HHAT: variants seen among roughly 807,000 people sequenced by gnomAD.
HHAT encodes the protein hedgehog acyltransferase.
In HHAT, 47 loss-of-function variants were observed where a neutral mutation model predicts 70.8. The ratio of observed to expected loss-of-function variants is 0.66; its 90% confidence interval spans 0.53 to 0.85. The LOEUF is 0.85. Ranked by LOEUF, HHAT falls within the 40% of genes least tolerant of loss-of-function variation. The probability of loss-of-function intolerance (pLI) is 0.00; values close to 1 mark genes in which losing one functional copy is unlikely to be tolerated. For synonymous variants in HHAT, 228 were observed against 247.6 expected, an observed-to-expected ratio of 0.92 and a Z score of 0.74; for missense variants, 609 against 604.8, an observed-to-expected ratio of 1.01 and a Z score of -0.07.
At chr1:210,495,571 CCTT>C (rs1377858828) in intron 8 of HHAT, among the ~76,000 whole-genome samples, 1 of 152,166 alleles carries the variant, frequency 6.6e-6, no homozygotes, top group Admixed American at 6.5e-5. Context: ...TGTCCTCCCT[CCTT>C]CTCCCTCTTT....
At position 210,380,464 on chromosome 1, in the gene HHAT, C is replaced by G. The variant is rs565607647; in HGVS notation, c.160-7004C>G. On this transcript the variant is annotated intron_variant, in intron 3 of 11. Transcript: ENST00000261458. ...CTGAAGCAGGAGAATCACTTGAACT[C>G]AGGAGGCGGAGGTTGCAGTGAGCCG... 2.3e-3 allele frequency among the ~76,000 whole-genome samples: 357 copies of G among 152,228 alleles called. 3 individuals are homozygous for G. Among genetic ancestry groups the G allele is most frequent in the Non-Finnish European group, 3.6e-3 (244 of 68,022 alleles).
At chr1:210,374,086 T>C (rs933125346) in intron 3 of HHAT, 7 of 152,318 alleles carry the variant, frequency 4.6e-5, no homozygotes, top group South Asian at 2.1e-4. Flanking sequence ...ACAGTGACAA[T>C]GAATCACTTA....
chr1:210,623,460 G>T, intron 10 of HHAT, 66 bp from the exon 11 acceptor site: 1 of 1,585,216 alleles, frequency 6.3e-7, no homozygotes, highest in East Asian at 2.2e-5. Flanking sequence ...GAGAAAGCTG[G>T]ATGGTATCTT....
intron 11 of HHAT, among the ~76,000 whole-genome samples, chr1:210,669,504 G>A (rs1679651214): frequency 6.6e-6 from 1 of 152,060 alleles, no homozygotes; most frequent in Non-Finnish European, 1.5e-5. Context: ...TGAATCTATT[G>A]TGCCATACAT....
intron 7 of HHAT, among the ~76,000 whole-genome samples, chr1:210,458,903 A>T (rs891315898): frequency 6.6e-6 from 1 of 152,184 alleles, no homozygotes; most frequent in Non-Finnish European, 1.5e-5. Flanking sequence ...GTAGGTATGT[A>T]TGTCAATCTG....
intron 1 of HHAT, among the ~76,000 whole-genome samples, chr1:210,332,628 C>G (rs2085093988): frequency 1.3e-5 from 2 of 152,184 alleles, no homozygotes; most frequent in Non-Finnish European, 2.9e-5. Flanking sequence ...TGCTTCTGTT[C>G]TTTGTGCTTA....
At chr1:210,412,130 T>G (rs1390436672) in intron 6 of HHAT, among the ~76,000 whole-genome samples, 1 of 152,082 alleles carries the variant, frequency 6.6e-6, no homozygotes, top group Non-Finnish European at 1.5e-5. Flanking sequence ...AGGGTGCTAT[T>G]CCCAACCATG....
intron 3 of HHAT, among the ~76,000 whole-genome samples, chr1:210,374,785 C>A (rs1337343413): frequency 6.8e-6 from 1 of 146,402 alleles, no homozygotes; most frequent in Non-Finnish European, 1.5e-5. Context: ...TTTTTTAATC[C>A]CTTACTTTTA....
intron 9 of HHAT, among the ~76,000 whole-genome samples, chr1:210,586,719 A>G (rs1424925764): frequency 6.6e-6 from 1 of 152,210 alleles, no homozygotes; most frequent in Non-Finnish European, 1.5e-5. Flanking sequence ...AAGGTTGGAC[A>G]AAGAAGCACT....
intron 2 of HHAT, among the ~76,000 whole-genome samples, chr1:210,349,905 C>G (rs1257118596): frequency 2.6e-5 from 4 of 152,306 alleles, no homozygotes; most frequent in Admixed American, 2.6e-4. Context: ...CCTGCCTCAG[C>G]CTCCCAAAGT....
At chr1:210,561,407 C>T (rs928761648) in intron 9 of HHAT, among the ~76,000 whole-genome samples, 7 of 152,192 alleles carry the variant, frequency 4.6e-5, no homozygotes, top group South Asian at 2.1e-4. Context: ...AGAGTTAGCA[C>T]GGCATGGTGA....
intron 9 of HHAT, among the ~76,000 whole-genome samples, chr1:210,571,232 G>A (rs1360208488): frequency 1.3e-5 from 2 of 152,182 alleles, no homozygotes; most frequent in East Asian, 1.9e-4. Context: ...GAAAGCTAAT[G>A]ATGTTGGAGA....
Position 210,631,267 on chromosome 1 carries a change from A to C in HHAT, c.1390+7597A>C, listed in dbSNP as rs971329718. 9 of 375,542 alleles carry C rather than the reference A, an allele frequency of 2.4e-5. No homozygotes were observed. The Admixed American group carries it at 3.1e-4, about 13-fold the overall frequency. 23.3% of individuals were successfully genotyped at this position (375,542 alleles called of 1,614,324 possible). A position where few individuals can be genotyped will look rare whatever the true frequency, so the allele number is the denominator to read the frequency against. On this transcript the variant is annotated intron_variant, in intron 11 of 11. Coordinates refer to ENST00000261458, the MANE Select transcript of HHAT (RefSeq NM_018194.6). ...ATGACAGGCAACCACTGTTTACACCATGAACCATCCCTGGGTGTCACTATC... is the reference window on the plus strand; with the variant it reads ...ATGACAGGCAACCACTGTTTACACCCTGAACCATCCCTGGGTGTCACTATC...
chr1:210,598,779 C>T (rs1663587238), intron 10 of HHAT, among the ~76,000 whole-genome samples: 1 of 152,208 alleles, frequency 6.6e-6, no homozygotes, highest in South Asian at 2.1e-4. Flanking sequence ...AAGTTAAAAC[C>T]AGGTACTGTG....
chr1:210,347,157 T>A (rs1340940544), intron 1 of HHAT, among the ~76,000 whole-genome samples: 1 of 152,216 alleles, frequency 6.6e-6, no homozygotes, highest in Non-Finnish European at 1.5e-5. Context: ...TTAACCAACA[T>A]CTTCCCCACT....
intron 9 of HHAT, among the ~76,000 whole-genome samples, chr1:210,568,184 G>A (rs78164678): frequency 0.059 from 9,021 of 152,296 alleles, 853 homozygotes; most frequent in African/African-American, 0.2. Context: ...ATAGAAGTCC[G>A]AAAGGACAGA....
intron 7 of HHAT, chr1:210,462,961 C>T (rs1334424395): frequency 6.6e-6 from 1 of 152,138 alleles, no homozygotes; most frequent in African/African-American, 2.4e-5. Flanking sequence ...TCGACATGTC[C>T]TGCAGTAATT....
intron 7 of HHAT, among the ~76,000 whole-genome samples, chr1:210,456,506 C>G (rs574460126): frequency 1.5e-4 from 23 of 152,178 alleles, no homozygotes; most frequent in Non-Finnish European, 2.9e-4. Context: ...CATGCACAAC[C>G]AATTGTTTAG....
chr1:210,503,673 A>C (rs2094800778), intron 8 of HHAT, among the ~76,000 whole-genome samples: 1 of 152,132 alleles, frequency 6.6e-6, no homozygotes, highest in Admixed American at 6.5e-5. Context: ...AGAGTTATCC[A>C]CACCGGGTAG....
Sources: gnomAD v4.1 joint callset for allele counts (sites outside exome capture counted in the v4.1 genomes callset) on GRCh38, gnomAD v4.1.1 for gene constraint, MANE v1.5 for transcripts, NCBI Gene and HGNC (gene_info 2026-07-23, HGNC 2026-07-21) for gene names.